KIAA1549: variants seen among roughly 807,000 people sequenced by gnomAD.
KIAA1549 encodes UPF0606 protein KIAA1549.
A neutral mutation model predicts 156.4 loss-of-function variants in KIAA1549; 70 were observed. The observed-to-expected ratio is 0.45, with a 90% confidence interval of 0.37 to 0.55. KIAA1549 has a LOEUF of 0.55. KIAA1549 is among the 20% of genes least tolerant of loss of function. The pLI, the probability that KIAA1549 is intolerant of heterozygous loss-of-function variation, is 0.00. For missense variants in KIAA1549, 2,428 were observed against 2,540.9 expected, an observed-to-expected ratio of 0.96 and a Z score of 0.96; for synonymous variants, 1,103 against 1,066.4, an observed-to-expected ratio of 1.03 and a Z score of -0.67.
At chr7:138,841,652 T>C (rs934737825) in intron 18 of KIAA1549, among the ~76,000 whole-genome samples, 4 of 152,294 alleles carry the variant, frequency 2.6e-5, no homozygotes, top group South Asian at 2.1e-4. Flanking sequence ...GCTCCAAGCG[T>C]CCATATCTAA....
intron 3 of KIAA1549, among the ~76,000 whole-genome samples, chr7:138,911,562 A>T (rs895250341): frequency 6.6e-6 from 1 of 152,242 alleles, no homozygotes; most frequent in Non-Finnish European, 1.5e-5. Context: ...ATAATGAGTT[A>T]TAGGGCATTC....
chr7:138,912,816 CTG>C (rs1292930899), intron 2 of KIAA1549, among the ~76,000 whole-genome samples: 2 of 152,170 alleles, frequency 1.3e-5, no homozygotes, highest in Admixed American at 1.3e-4. Context: ...AAATTCCAGG[CTG>C]TCTCTCGGCT....
chr7:138,844,513 C>T (rs1810018154), intron 17 of KIAA1549, 39 bp from the exon 18 acceptor site: 2 of 1,482,258 alleles, frequency 1.3e-6, no homozygotes, highest in Admixed American at 2.5e-5. Context: ...GACTCCACTG[C>T]ACCCTGGCCT....
At chr7:138,958,855 G>T (rs1239955852) in intron 1 of KIAA1549, among the ~76,000 whole-genome samples, 1 of 152,090 alleles carries the variant, frequency 6.6e-6, no homozygotes, top group Non-Finnish European at 1.5e-5. Flanking sequence ...GAGATATACA[G>T]ATTTGTTTTT....
chr7:138,856,871 T>G (rs1382989757), intron 16 of KIAA1549, among the ~76,000 whole-genome samples: 1 of 152,162 alleles, frequency 6.6e-6, no homozygotes, highest in Non-Finnish European at 1.5e-5. Context: ...AGGGTAGCAT[T>G]TGAATTGGTG....
At chr7:138,925,759 G>A (rs1246436543) in intron 1 of KIAA1549, among the ~76,000 whole-genome samples, 10 of 139,676 alleles carry the variant, frequency 7.2e-5, no homozygotes, top group Non-Finnish European at 1.5e-4. Flanking sequence ...GAGCCCAGGA[G>A]ATGGAGGTTG....
chr7:138,943,853 A>G (rs1316449925), intron 1 of KIAA1549, among the ~76,000 whole-genome samples: 1 of 147,244 alleles, frequency 6.8e-6, no homozygotes, highest in Non-Finnish European at 1.5e-5. Context: ...CATCTCAGAA[A>G]AAAACAAAAC....
intron 12 of KIAA1549, among the ~76,000 whole-genome samples, chr7:138,877,608 C>A (rs578191617): frequency 6.6e-6 from 1 of 152,314 alleles, no homozygotes; most frequent in South Asian, 2.1e-4. Context: ...TACACAGCAG[C>A]ATTAAAGCTA....
intron 12 of KIAA1549, among the ~76,000 whole-genome samples, chr7:138,875,108 A>G (rs893245149): frequency 1.3e-5 from 2 of 152,234 alleles, no homozygotes; most frequent in Admixed American, 1.3e-4. Flanking sequence ...CTTGAAGAGC[A>G]TATTTTGAAT....
At chr7:138,856,259 C>T (rs1312080613) in intron 16 of KIAA1549, among the ~76,000 whole-genome samples, 1 of 151,494 alleles carries the variant, frequency 6.6e-6, no homozygotes, top group Non-Finnish European at 1.5e-5. Flanking sequence ...AGGATGGTCT[C>T]GATCTCCTGA....
intron 1 of KIAA1549, among the ~76,000 whole-genome samples, chr7:138,924,728 T>C (rs1812663156): frequency 6.6e-6 from 1 of 152,142 alleles, no homozygotes; most frequent in African/African-American, 2.4e-5. Flanking sequence ...AGGGAATCAC[T>C]TCTGCAGTTA....
intron 1 of KIAA1549, among the ~76,000 whole-genome samples, chr7:138,958,159 A>AT (rs1220698412): frequency 2.0e-5 from 3 of 152,184 alleles, no homozygotes; most frequent in Non-Finnish European, 4.4e-5. Flanking sequence ...TATGCTGAGC[A>AT]TAAGTGGGCA....
rs1372071663 is a variant in KIAA1549 at position 138,912,239 on chromosome 7, T to G, written c.2967+133A>C. The stretch of plus-strand genomic sequence containing the variant: ...GGAGATCCAGAGGATGAGCAGGACT[T>G]AACCAGGAACAGACAAGAGGGAAGA... On this transcript the variant is annotated intron_variant, in intron 3 of 19. Coordinates refer to ENST00000422774, the MANE Select transcript of KIAA1549 (RefSeq NM_001164665.2). 3 of 722,818 alleles carry G rather than the reference T, an allele frequency of 4.2e-6. No individual in the cohort carries two copies. In the South Asian group the frequency reaches 4.5e-5, roughly 11 times the overall value. The allele number at this position is 722,818 out of a possible 1,614,324, so 44.8% of individuals were successfully genotyped here.
intron 1 of KIAA1549, among the ~76,000 whole-genome samples, chr7:138,957,544 C>A (rs1203627133): frequency 6.6e-6 from 1 of 150,534 alleles, no homozygotes; most frequent in Non-Finnish European, 1.5e-5. Context: ...GCGGCATGGT[C>A]TCAGCTCACT....
Position 138,837,386 on chromosome 7 carries a change from A to G in KIAA1549, c.*520T>C, listed in dbSNP as rs1459538405. On this transcript the variant is annotated 3_prime_UTR_variant, in exon 20 of 20. Transcript: ENST00000422774. ...TCACTAGTAGCTTTTTAAAATTCCC[A>G]AACAGTCTTAGTATTCTTGTTGTTA... The G allele has an allele frequency of 4.4e-6, 1 of 229,728 alleles. No homozygotes were observed. The highest frequency in any genetic ancestry group is 8.6e-6 in the Non-Finnish European group (1 of 116,570). The allele number at this position is 229,728 out of a possible 1,614,324, so 14.2% of individuals were successfully genotyped here.
intron 12 of KIAA1549, among the ~76,000 whole-genome samples, chr7:138,878,910 C>T (rs1353943854): frequency 6.6e-6 from 1 of 152,126 alleles, no homozygotes; most frequent in Admixed American, 6.5e-5. Flanking sequence ...TAAAAACAAG[C>T]TACCTTGCTA....
At chr7:138,935,840 A>C (rs991779819) in intron 1 of KIAA1549, among the ~76,000 whole-genome samples, 1 of 152,188 alleles carries the variant, frequency 6.6e-6, no homozygotes, top group Non-Finnish European at 1.5e-5. Context: ...GGCTTAAGAG[A>C]GAGAGGGGTC....
chr7:138,897,892 C>CAAAAAAA lies in KIAA1549; in HGVS notation c.3847+1056_3847+1062dup, dbSNP rs59242488. On this transcript the variant is annotated intron_variant, in intron 9 of 19. Transcript: ENST00000422774. ...TGGGTGACAGAGCAAGACCCTTTCT[C>CAAAAAAA]AAAAAAAAAAAAAAAAAAAAAAAAA... 5.5e-4 allele frequency among the ~76,000 whole-genome samples: 15 copies of CAAAAAAA among 27,496 alleles called. 1 individual carries two copies. Among genetic ancestry groups the CAAAAAAA allele is most frequent in the African/African-American group, 1.3e-3 (11 of 8,712 alleles). 18.0% of individuals were successfully genotyped at this position (27,496 alleles called of 152,430 possible).
intron 1 of KIAA1549, among the ~76,000 whole-genome samples, chr7:138,957,780 C>T (rs1290600439): frequency 6.6e-6 from 1 of 152,100 alleles, no homozygotes; most frequent in African/African-American, 2.4e-5. Context: ...ACCCAGTCAA[C>T]TTTCCTAAAA....
Sources: allele counts gnomAD v4.1 joint callset (sites outside exome capture counted in the v4.1 genomes callset), GRCh38; gene constraint gnomAD v4.1.1; transcripts MANE v1.5; gene names NCBI Gene and HGNC (gene_info 2026-07-23, HGNC 2026-07-21).